Variants in CDH18 observed in about 807,000 individuals in gnomAD.
CDH18 encodes cadherin 18.
In CDH18, 31 loss-of-function variants were observed where a neutral mutation model predicts 67.9. The observed-to-expected ratio is 0.46, with a 90% confidence interval of 0.34 to 0.62. The LOEUF is 0.62. CDH18 is among the 20% of genes least tolerant of loss of function. The pLI is 0.01. For synonymous variants in CDH18, 362 were observed against 347.2 expected, an observed-to-expected ratio of 1.04 and a Z score of -0.48; for missense variants, 890 against 975.5, an observed-to-expected ratio of 0.91 and a Z score of 1.17.
chr5:20,489,459 G>T (rs181737667), intron 1 of CDH18, among the ~76,000 whole-genome samples: 4 of 152,124 alleles, frequency 2.6e-5, no homozygotes, highest in African/African-American at 9.6e-5. Flanking sequence ...AAAACTTTTA[G>T]ATGGATAATT....
At chr5:20,357,815 A>G (rs2150067053) in intron 1 of CDH18, among the ~76,000 whole-genome samples, 1 of 152,330 alleles carries the variant, frequency 6.6e-6, no homozygotes, top group Non-Finnish European at 1.5e-5. Context: ...AAAGGAAAAT[A>G]AATGATTCTA....
At chr5:19,588,460 A>G (rs1369788789) in intron 7 of CDH18, among the ~76,000 whole-genome samples, 1 of 152,108 alleles carries the variant, frequency 6.6e-6, no homozygotes, top group Non-Finnish European at 1.5e-5. Flanking sequence ...ACTGAAATAC[A>G]CAGACCAGTG....
Position 20,101,799 on chromosome 5 carries a change from C to T in CDH18, c.-517-109785G>A, listed in dbSNP as rs149290582. 6.6e-5 allele frequency among the ~76,000 whole-genome samples: 10 copies of T among 152,302 alleles called. No individual in the cohort carries two copies. The East Asian group carries it at 9.6e-4, about 15-fold the overall frequency. ...GTTAGAAACAAAACAGCTAGCCGGG[C>T]GTGTTGGCTCACGTCTATAATCCCA... On this transcript the variant is annotated intron_variant, in intron 2 of 14. Coordinates refer to the CDH18 transcript ENST00000507958.
At chr5:19,836,084 C>A (rs1359343809) in intron 3 of CDH18, among the ~76,000 whole-genome samples, 1 of 152,012 alleles carries the variant, frequency 6.6e-6, no homozygotes, top group Non-Finnish European at 1.5e-5. Flanking sequence ...CCTCCCTTTT[C>A]CAGAAAATTT....
At chr5:19,790,107 C>A (rs555951502) in intron 3 of CDH18, among the ~76,000 whole-genome samples, 1 of 151,984 alleles carries the variant, frequency 6.6e-6, no homozygotes, top group African/African-American at 2.4e-5. Flanking sequence ...TATTTGGTTT[C>A]GACTATTTCA....
chr5:20,002,585 T>C (rs907402235), intron 2 of CDH18, among the ~76,000 whole-genome samples: 1 of 152,214 alleles, frequency 6.6e-6, no homozygotes, highest in African/African-American at 2.4e-5. Flanking sequence ...GTTACCACTA[T>C]GATTTTACCA....
At chr5:20,163,057 C>CTAAA (rs3067898) in intron 2 of CDH18, among the ~76,000 whole-genome samples, 3,055 of 149,490 alleles carry the variant, frequency 0.02, 100 homozygotes, top group African/African-American at 0.068. Flanking sequence ...AAAACTGTCT[C>CTAAA]TAAATAAATA....
chr5:20,090,744 T>TA (rs941206989), intron 2 of CDH18, among the ~76,000 whole-genome samples: 9 of 151,848 alleles, frequency 5.9e-5, no homozygotes, highest in African/African-American at 2.2e-4. Context: ...AAAAAAGAAA[T>TA]ACTGGCTGGG....
chr5:20,008,222 GT>G (rs1737091573), intron 2 of CDH18, among the ~76,000 whole-genome samples: 1 of 152,028 alleles, frequency 6.6e-6, no homozygotes, highest in East Asian at 1.9e-4. Flanking sequence ...ATGTTATTAT[GT>G]TTGAGAATAT....
intron 1 of CDH18, among the ~76,000 whole-genome samples, chr5:20,309,226 A>G (rs1008600246): frequency 1.3e-5 from 2 of 152,202 alleles, no homozygotes; most frequent in African/African-American, 4.8e-5. Context: ...GGAGGAAGAA[A>G]CAGAGAAGCA....
At chr5:19,791,735 C>T (rs1776381458) in intron 3 of CDH18, among the ~76,000 whole-genome samples, 1 of 152,118 alleles carries the variant, frequency 6.6e-6, no homozygotes, top group South Asian at 2.1e-4. Flanking sequence ...ACAAACAGTG[C>T]TCTATTTTTA....
At chr5:20,073,546 A>T (rs1743665842) in intron 2 of CDH18, among the ~76,000 whole-genome samples, 1 of 152,088 alleles carries the variant, frequency 6.6e-6, no homozygotes, top group Admixed American at 6.6e-5. Flanking sequence ...ATTCCTTGAC[A>T]AAACATAAGA....
At position 20,030,627 on chromosome 5, in the gene CDH18, T is replaced by C. The variant is rs188330805; in HGVS notation, c.-517-38613A>G. Among the ~76,000 whole-genome samples the C allele has an allele frequency of 4.1e-4, 63 of 152,238 alleles. 1 individual carries two copies. The highest frequency in any genetic ancestry group is 1.4e-3 in the African/African-American group (57 of 41,562). On this transcript the variant is annotated intron_variant, in intron 2 of 14. Coordinates refer to the CDH18 transcript ENST00000507958. ...TAAAAGCTGAGTTGTGTTGTACAAA[T>C]ATATACTTAATACATATCAGTTAAG...
intron 1 of CDH18, among the ~76,000 whole-genome samples, chr5:20,283,092 CT>C (rs199672969): frequency 0.015 from 2,216 of 152,076 alleles, 32 homozygotes; most frequent in South Asian, 0.029. Context: ...TAGACCCCTG[CT>C]TCTTGTCTTA....
intron 1 of CDH18, among the ~76,000 whole-genome samples, chr5:20,380,214 T>C (rs1653767467): frequency 6.6e-6 from 1 of 152,168 alleles, no homozygotes; most frequent in Non-Finnish European, 1.5e-5. Context: ...TTTGAACTTA[T>C]TTGGCACCAC....
At chr5:19,547,814 G>A (rs1736604968) in intron 8 of CDH18, among the ~76,000 whole-genome samples, 1 of 152,144 alleles carries the variant, frequency 6.6e-6, no homozygotes, top group Admixed American at 6.5e-5. Flanking sequence ...GATCCAAAGA[G>A]TCTTATTCAC....
chr5:20,254,545 G>C (rs1355345904), intron 2 of CDH18, among the ~76,000 whole-genome samples: 2 of 152,186 alleles, frequency 1.3e-5, no homozygotes, highest in Non-Finnish European at 2.9e-5. Context: ...AACTAGAACA[G>C]CCTTACAAGA....
intron 3 of CDH18, among the ~76,000 whole-genome samples, chr5:19,828,130 G>A (rs1031577464): frequency 7.2e-5 from 11 of 152,022 alleles, no homozygotes; most frequent in Admixed American, 6.6e-4. Flanking sequence ...TAAAAGAAAT[G>A]AATAAATTCC....
chr5:20,273,765 C>G (rs1745607709), intron 1 of CDH18, among the ~76,000 whole-genome samples: 1 of 152,008 alleles, frequency 6.6e-6, no homozygotes, highest in South Asian at 2.1e-4. Context: ...TGACACTCAC[C>G]CAAACATGGA....
Sources: allele counts gnomAD v4.1 joint callset (sites outside exome capture counted in the v4.1 genomes callset), GRCh38; gene constraint gnomAD v4.1.1; transcripts MANE v1.5; gene names NCBI Gene and HGNC (gene_info 2026-07-23, HGNC 2026-07-21).